PTPRN2: variants seen among roughly 807,000 people sequenced by gnomAD.
PTPRN2 encodes protein tyrosine phosphatase receptor type N2.
In PTPRN2, 74 loss-of-function variants were observed where a neutral mutation model predicts 118.8. That is an observed-to-expected ratio of 0.62 (90% confidence interval 0.52 to 0.76). The LOEUF is 0.76. PTPRN2 is among the 30% of genes least tolerant of loss of function. PTPRN2 has a pLI of 0.00. For missense variants in PTPRN2, 1,481 were observed against 1,394.4 expected (o/e 1.06, Z -0.99); for synonymous variants, 641 against 608.0 (o/e 1.05, Z -0.80).
chr7:157,680,891 C>A (rs1315164600), intron 13 of PTPRN2, among the ~76,000 whole-genome samples: 1 of 152,150 alleles, frequency 6.6e-6, no homozygotes, highest in Non-Finnish European at 1.5e-5. Flanking sequence ...TTAAACAAAC[C>A]GGAGCTCATT....
intron 12 of PTPRN2, among the ~76,000 whole-genome samples, chr7:157,777,767 C>T (rs901492931): frequency 6.6e-6 from 1 of 152,204 alleles, no homozygotes; most frequent in Non-Finnish European, 1.5e-5. Flanking sequence ...AGTCTGCATG[C>T]AATGCCTACA....
At chr7:157,682,981 A>G in intron 12 of PTPRN2, 44 bp from the exon 13 acceptor site, 1 of 1,486,958 alleles carries the variant, frequency 6.7e-7, no homozygotes, top group Non-Finnish European at 9.3e-7. Context: ...CTGACAAAGC[A>G]TGACCTCCTA....
chr7:157,996,286 G>A (rs565410051), intron 11 of PTPRN2, among the ~76,000 whole-genome samples: 4 of 152,226 alleles, frequency 2.6e-5, no homozygotes, highest in Non-Finnish European at 5.9e-5. Flanking sequence ...GGGACGCTGG[G>A]AAGGGAGAGG....
chr7:157,815,850 A>G (rs1806363141), intron 12 of PTPRN2, among the ~76,000 whole-genome samples: 1 of 152,218 alleles, frequency 6.6e-6, no homozygotes, highest in South Asian at 2.1e-4. Flanking sequence ...CACACTCTGC[A>G]CACGCTCAGG....
intron 6 of PTPRN2, among the ~76,000 whole-genome samples, chr7:158,152,105 C>T (rs752177328): frequency 1.2e-4 from 16 of 129,344 alleles, no homozygotes; most frequent in South Asian, 5.2e-4. Context: ...ACCCGGGAGG[C>T]GGAGCTTGCA....
intron 12 of PTPRN2, among the ~76,000 whole-genome samples, chr7:157,800,960 T>A (rs11982599): frequency 0.021 from 3,205 of 150,782 alleles, 97 homozygotes; most frequent in South Asian, 0.11. Context: ...TCAAAAAAAA[T>A]ATATATATAC....
chr7:158,285,187 T>C (rs1314962943), intron 3 of PTPRN2, among the ~76,000 whole-genome samples: 2 of 152,154 alleles, frequency 1.3e-5, no homozygotes, highest in South Asian at 2.1e-4. Flanking sequence ...CATTGTGAAA[T>C]GACCTTCACT....
rs1344530983 is a variant in PTPRN2, at chr7:157,553,270, G to A, written c.2903-4251C>T. Among the ~76,000 whole-genome samples, 4 of 152,318 alleles carry A rather than the reference G, an allele frequency of 2.6e-5. No individual in the cohort carries two copies. The East Asian group carries it at 5.8e-4, about 22-fold the overall frequency. ...TTCTTTTTTAAAACGACTGTCAACA[G>A]CAATGTCATCTGAAGGGCTGTGTGT... On this transcript the variant is annotated intron_variant, in intron 21 of 22. Coordinates refer to ENST00000389418, the MANE Select transcript of PTPRN2 (RefSeq NM_002847.5).
chr7:157,680,705 T>C (rs1360999879), intron 13 of PTPRN2, among the ~76,000 whole-genome samples: 1 of 152,236 alleles, frequency 6.6e-6, no homozygotes, highest in African/African-American at 2.4e-5. Context: ...AGTACTTCCC[T>C]AAAGGGCATT....
chr7:157,799,805 G>A lies in PTPRN2; in HGVS notation c.1788+98868C>T, dbSNP rs113743304. Among the ~76,000 whole-genome samples the A allele has an allele frequency of 3.9e-3, 396 of 100,726 alleles. 12 individuals are homozygous for A. The highest frequency in any genetic ancestry group is 6.5e-3 in the Non-Finnish European group (311 of 47,942). 66.1% of individuals were successfully genotyped at this position (100,726 alleles called of 152,430 possible). On this transcript the variant is annotated intron_variant, in intron 12 of 22. Coordinates refer to ENST00000389418, the MANE Select transcript of PTPRN2 (RefSeq NM_002847.5). ...AGAGTCACCACAATCGGCCTACCCC[G>A]TCCCTCAGAGGCACCACAGCCGGCC...
intron 5 of PTPRN2, among the ~76,000 whole-genome samples, chr7:158,188,095 C>T (rs576057701): frequency 7.4e-4 from 113 of 152,238 alleles, no homozygotes; most frequent in African/African-American, 2.5e-3. Context: ...CCAGTGGCCC[C>T]GTCACGAGCT....
intron 3 of PTPRN2, among the ~76,000 whole-genome samples, chr7:158,236,210 G>A (rs902878541): frequency 1.2e-4 from 18 of 152,192 alleles, no homozygotes; most frequent in African/African-American, 4.3e-4. Context: ...AGGGGATGGT[G>A]TGGAAACGCT....
chr7:157,616,032 G>T, intron 15 of PTPRN2: 1 of 188,848 alleles, frequency 5.3e-6, no homozygotes, highest in African/African-American at 2.3e-5. Context: ...TCCAAGTCAC[G>T]GGAAACAGGG....
chr7:158,363,218 C>T (rs1017701015), intron 2 of PTPRN2, among the ~76,000 whole-genome samples: 1 of 151,736 alleles, frequency 6.6e-6, no homozygotes, highest in African/African-American at 2.4e-5. Context: ...GGAGAGGCTA[C>T]GGGAGGACGC....
At position 157,787,174 on chromosome 7, in the gene PTPRN2, C is replaced by T. The variant is rs930822848; in HGVS notation, c.1789-104237G>A. On this transcript the variant is annotated intron_variant, in intron 12 of 22. Transcript: ENST00000389418. This position sits in a 1 kb window ranked among gnomAD's most constrained non-coding sequence, Gnocchi z 5.3. ...GCGGACGCGGGTGCGGCGGGGGACG[C>T]GGGGGTGGCTGCCCGGGACTGGCTC... Among the ~76,000 whole-genome samples the T allele has an allele frequency of 5.4e-5, 8 of 148,224 alleles. No homozygotes were observed. The highest frequency in any genetic ancestry group is 4.0e-4 in the East Asian group (2 of 5,010).
intron 2 of PTPRN2, among the ~76,000 whole-genome samples, chr7:158,340,326 C>G: frequency 9.6e-6 from 1 of 104,010 alleles, no homozygotes; most frequent in African/African-American, 3.5e-5. Flanking sequence ...AGACATCACT[C>G]ACACCCACAC....
intron 13 of PTPRN2, among the ~76,000 whole-genome samples, chr7:157,662,828 T>C (rs142820584): frequency 1.2e-3 from 181 of 152,332 alleles, no homozygotes; most frequent in African/African-American, 4.2e-3. Context: ...ACATGGGATG[T>C]ACCCGATGTC....
intron 11 of PTPRN2, chr7:158,030,532 G>A (rs1167097896): frequency 6.6e-6 from 1 of 152,274 alleles, no homozygotes; most frequent in African/African-American, 2.4e-5. Flanking sequence ...CCATCAGAGT[G>A]GCTCCTAATC....
intron 1 of PTPRN2, 35 bp from the exon 2 acceptor site, chr7:158,489,820 G>A (rs932006562): frequency 1.3e-6 from 2 of 1,545,838 alleles, no homozygotes; most frequent in African/African-American, 1.4e-5. Flanking sequence ...CGGTCAGCTG[G>A]AGGGGAGGAG....
Sources: allele counts gnomAD v4.1 joint callset (sites outside exome capture counted in the v4.1 genomes callset), GRCh38; gene constraint gnomAD v4.1.1; non-coding constraint Gnocchi (gnomAD v3.1); transcripts MANE v1.5; gene names NCBI Gene and HGNC (gene_info 2026-07-23, HGNC 2026-07-21).